PARD3B: variants seen among roughly 807,000 people sequenced by gnomAD.
PARD3B encodes partitioning defective 3 homolog B.
A neutral mutation model predicts 130.2 loss-of-function variants in PARD3B; 103 were observed. The ratio of observed to expected loss-of-function variants is 0.79; its 90% CI spans 0.67 to 0.93. The LOEUF is 0.93. Among genes scored for constraint, PARD3B ranks in the 40% least tolerant of loss-of-function variants. PARD3B has a pLI of 0.00. For missense variants in PARD3B, 1,609 were observed against 1,499.2 expected, an observed-to-expected ratio of 1.07 and a Z score of -1.21; for synonymous variants, 583 against 553.2, an observed-to-expected ratio of 1.05 and a Z score of -0.76.
intron 2 of PARD3B, among the ~76,000 whole-genome samples, chr2:204,821,556 G>C (rs185066258): frequency 1.0e-4 from 11 of 109,658 alleles, no homozygotes; most frequent in African/African-American, 2.1e-4. Flanking sequence ...GTTGTGGGGT[G>C]GGGGGAGGGA....
rs1691315209 is a variant in PARD3B, at chr2:204,967,011, C to T, written c.394+1688C>T. Among the ~76,000 whole-genome samples, 1 of 152,204 alleles carries T rather than the reference C, an allele frequency of 6.6e-6. No homozygotes were observed. The highest frequency in any genetic ancestry group is 2.4e-5 in the African/African-American group (1 of 41,446). On this transcript the variant is annotated intron_variant, in intron 3 of 22. Coordinates refer to ENST00000406610, the MANE Select transcript of PARD3B (RefSeq NM_001302769.2). The surrounding 1 kb of genome is among the most constrained non-coding windows in gnomAD (Gnocchi z 4.4). ...TTAGGTGGCAGAGCCAGAATTTGAA[C>T]TGTTGCTGGCTGTGGTGTGAGAAAC... is the stretch of plus-strand genomic sequence containing the variant.
chr2:205,290,208 T>C (rs2041554325), intron 16 of PARD3B, among the ~76,000 whole-genome samples: 2 of 152,236 alleles, frequency 1.3e-5, no homozygotes, highest in Admixed American at 1.3e-4. Flanking sequence ...GGGACTTGTA[T>C]TCCCCTGAGA....
chr2:204,888,285 A>G (rs911291890), intron 2 of PARD3B, among the ~76,000 whole-genome samples: 2 of 152,160 alleles, frequency 1.3e-5, no homozygotes, highest in African/African-American at 4.8e-5. Context: ...TTGGGTGGCA[A>G]GTGACAGTGA....
chr2:204,846,951 C>G (rs1381176716), intron 2 of PARD3B, among the ~76,000 whole-genome samples: 1 of 151,864 alleles, frequency 6.6e-6, no homozygotes, highest in South Asian at 2.1e-4. Flanking sequence ...TGGGATTGCT[C>G]TCTTATAAAA....
intron 2 of PARD3B, among the ~76,000 whole-genome samples, chr2:204,704,407 T>C (rs1246648539): frequency 6.6e-6 from 1 of 152,186 alleles, no homozygotes; most frequent in Non-Finnish European, 1.5e-5. Context: ...TTTGAAATAC[T>C]GTCAGAGTCA....
intron 2 of PARD3B, among the ~76,000 whole-genome samples, chr2:204,882,072 T>C (rs1179035334): frequency 6.6e-6 from 1 of 152,172 alleles, no homozygotes; most frequent in East Asian, 1.9e-4. Flanking sequence ...TAGCAAGGGA[T>C]AGAACAAGAT....
At chr2:205,166,877 C>T (rs1576034616) in intron 11 of PARD3B, among the ~76,000 whole-genome samples, 1 of 152,072 alleles carries the variant, frequency 6.6e-6, no homozygotes, top group Admixed American at 6.6e-5. Flanking sequence ...GAGGCCGTAC[C>T]AAGGGCCCCG....
intron 20 of PARD3B, among the ~76,000 whole-genome samples, chr2:205,498,070 G>A (rs1211282299): frequency 6.7e-6 from 1 of 148,700 alleles, no homozygotes; most frequent in African/African-American, 2.5e-5. Flanking sequence ...CGTGGTGGCA[G>A]GCGCCTGTAA....
chr2:205,482,822 T>C (rs1330096014), intron 20 of PARD3B: 2 of 152,184 alleles, frequency 1.3e-5, no homozygotes, highest in Non-Finnish European at 2.9e-5. Context: ...GACGTCACCA[T>C]GCGGCTGATT....
intron 15 of PARD3B, among the ~76,000 whole-genome samples, chr2:205,224,809 T>G (rs1478933908): frequency 6.6e-6 from 1 of 152,116 alleles, no homozygotes; most frequent in Non-Finnish European, 1.5e-5. Context: ...TCATAATTTT[T>G]TATTCCATGG....
chr2:204,909,348 A>G (rs892378860), intron 2 of PARD3B, among the ~76,000 whole-genome samples: 3 of 152,186 alleles, frequency 2.0e-5, no homozygotes, highest in Admixed American at 1.3e-4. Flanking sequence ...TCATTTGTTA[A>G]TGGTTCAAAA....
intron 18 of PARD3B, among the ~76,000 whole-genome samples, chr2:205,314,841 A>G (rs2042506607): frequency 6.6e-6 from 1 of 152,102 alleles, no homozygotes; most frequent in Non-Finnish European, 1.5e-5. Context: ...TCACCAGCTC[A>G]TCCTGACTCT....
intron 1 of PARD3B, 79 bp from the exon 2 acceptor site, chr2:204,686,102 C>A: frequency 1.0e-6 from 1 of 958,952 alleles, no homozygotes; most frequent in South Asian, 1.5e-5. Flanking sequence ...AACAAGTTAA[C>A]TTATGTCTCT....
chr2:205,125,960 A>T lies in PARD3B; in HGVS notation c.1434+223A>T, dbSNP rs975338225. 4.6e-5 allele frequency among the ~76,000 whole-genome samples: 7 copies of T among 152,148 alleles called. No individual in the cohort carries two copies. The highest frequency in any genetic ancestry group is 5.9e-5 in the Non-Finnish European group (4 of 68,036). ...GTGATTCCGGGGCACAGATTCAAAC[A>T]CCTTTAGCAATAAGCAACTATTCAA... is the stretch of plus-strand genomic sequence containing the variant. On this transcript the variant is annotated intron_variant, in intron 10 of 22. Transcript: ENST00000406610. This position sits in a 1 kb window ranked among gnomAD's most constrained non-coding sequence, Gnocchi z 4.0.
chr2:205,052,913 C>T (rs1271222797), intron 4 of PARD3B, among the ~76,000 whole-genome samples: 2 of 152,052 alleles, frequency 1.3e-5, no homozygotes, highest in Non-Finnish European at 2.9e-5. Context: ...GGGTAAAGGA[C>T]ACAGACCGGT....
At chr2:205,498,016 A>AACAC (rs57531393) in intron 20 of PARD3B, among the ~76,000 whole-genome samples, 3,882 of 141,884 alleles carry the variant, frequency 0.027, 122 homozygotes, top group African/African-American at 0.074. Context: ...GTCTCTACTA[A>AACAC]ACACACACAC....
intron 1 of PARD3B, among the ~76,000 whole-genome samples, chr2:204,628,027 G>C (rs2034548349): frequency 6.6e-6 from 1 of 150,612 alleles, no homozygotes; most frequent in Non-Finnish European, 1.5e-5. Context: ...TTAGTAGTTA[G>C]TGTATATTAC....
At position 205,300,526 on chromosome 2, in the gene PARD3B, C is replaced by T; in HGVS notation, c.2186-4C>T. The T allele has an allele frequency of 1.2e-6, 2 of 1,612,046 alleles. No individual in the cohort carries two copies. The highest frequency in any genetic ancestry group is 1.7e-6 in the Non-Finnish European group (2 of 1,178,870). ...GGGGTGACCTTTTGCCCTTTCTTTT[C>T]CAGAATCTCCAAGCAAAGATTTTGG... On this transcript the variant is annotated splice_region_variant and splice_polypyrimidine_tract_variant and intron_variant, in intron 16 of 22. Coordinates refer to ENST00000406610, the MANE Select transcript of PARD3B (RefSeq NM_001302769.2). The surrounding 1 kb of genome is among the most constrained non-coding windows in gnomAD (Gnocchi z 4.1).
chr2:205,524,537 G>A (rs920142001), intron 21 of PARD3B, among the ~76,000 whole-genome samples: 3 of 152,116 alleles, frequency 2.0e-5, no homozygotes, highest in East Asian at 1.9e-4. Flanking sequence ...TGGCCCAGCC[G>A]TCTCGTCCTC....
Sources: gnomAD v4.1 joint callset for allele counts (sites outside exome capture counted in the v4.1 genomes callset) on GRCh38, gnomAD v4.1.1 for gene constraint, Gnocchi (gnomAD v3.1) non-coding constraint, MANE v1.5 for transcripts, NCBI Gene and HGNC (gene_info 2026-07-23, HGNC 2026-07-21) for gene names.